Variants in DENND1A observed in about 807,000 individuals in gnomAD.
The protein encoded by DENND1A is DENN domain containing 1A, also known as DENN domain-containing protein 1A.
Under a neutral mutation model 113.7 loss-of-function variants are expected in DENND1A, and 51 were observed. The ratio of observed to expected loss-of-function variants is 0.45; its 90% CI spans 0.36 to 0.57. DENND1A has a LOEUF of 0.57. DENND1A is among the 20% of genes least tolerant of loss of function. The pLI is 0.00. For synonymous variants in DENND1A, 565 were observed against 570.8 expected (o/e 0.99, Z 0.14); for missense variants, 1,258 against 1,395.9 (o/e 0.90, Z 1.57).
chr9:123,573,098 G>T (rs943756360), intron 12 of DENND1A, among the ~76,000 whole-genome samples: 1 of 152,022 alleles, frequency 6.6e-6, no homozygotes, highest in Non-Finnish European at 1.5e-5. Flanking sequence ...AAAATCAATT[G>T]ACCACTTATG....
intron 3 of DENND1A, among the ~76,000 whole-genome samples, chr9:123,783,267 C>G (rs965858737): frequency 6.6e-6 from 1 of 152,166 alleles, no homozygotes; most frequent in Non-Finnish European, 1.5e-5. Context: ...CTGATTATGT[C>G]TCTTCATCCT....
At chr9:123,782,866 C>T (rs754243718) in intron 3 of DENND1A, among the ~76,000 whole-genome samples, 2 of 150,330 alleles carry the variant, frequency 1.3e-5, no homozygotes, top group Non-Finnish European at 2.9e-5. Flanking sequence ...CAACCCCCAG[C>T]TCCCCCCGCT....
At chr9:123,925,926 T>A (rs768589760) in intron 1 of DENND1A, among the ~76,000 whole-genome samples, 2 of 152,204 alleles carry the variant, frequency 1.3e-5, no homozygotes, top group Non-Finnish European at 2.9e-5. Flanking sequence ...CTTCCTTCGA[T>A]TACTTACAGC....
intron 1 of DENND1A, among the ~76,000 whole-genome samples, chr9:123,895,278 GT>G (rs947216225): frequency 2.0e-5 from 3 of 151,930 alleles, no homozygotes; most frequent in Non-Finnish European, 4.4e-5. Context: ...ATAAATAATG[GT>G]TTTTTTCCAT....
At chr9:123,840,841 C>T (rs1367569126) in intron 2 of DENND1A, among the ~76,000 whole-genome samples, 1 of 152,162 alleles carries the variant, frequency 6.6e-6, no homozygotes, top group Non-Finnish European at 1.5e-5. Flanking sequence ...GACATTTTAT[C>T]ATGTGAAGTG....
Position 123,415,967 on chromosome 9 carries a change from G to A in DENND1A, c.1489-4138C>T, listed in dbSNP as rs545695622. 2.0e-4 allele frequency among the ~76,000 whole-genome samples: 31 copies of A among 152,278 alleles called. 1 individual carries two copies. The South Asian group carries it at 6.4e-3, about 32-fold the overall frequency. ...TAGGAGGTGAGTAGTAGTGATTTGG[G>A]TGGGAAGAGGGGGTAAGGGGATGAG... On this transcript the variant is annotated intron_variant, in intron 19 of 23. Coordinates refer to ENST00000394215, the MANE Select transcript of DENND1A (RefSeq NM_001352964.2).
chr9:123,817,819 G>A (rs1241374867), intron 2 of DENND1A, among the ~76,000 whole-genome samples: 2 of 152,092 alleles, frequency 1.3e-5, no homozygotes, highest in African/African-American at 4.8e-5. Context: ...CTGAGGTCAG[G>A]AATTCGAGAC....
At chr9:123,567,229 C>T (rs561730007) in intron 12 of DENND1A, among the ~76,000 whole-genome samples, 46 of 152,252 alleles carry the variant, frequency 3.0e-4, no homozygotes, top group African/African-American at 1.1e-3. Flanking sequence ...TGCAGTGCCG[C>T]GTAATGAAAT....
chr9:123,842,972 T>C (rs955940161), intron 2 of DENND1A: 3 of 377,404 alleles, frequency 7.9e-6, no homozygotes, highest in Non-Finnish European at 1.5e-5. Context: ...CACATGATAG[T>C]AGGATGCAGT....
chr9:123,725,506 T>C (rs546251340), intron 5 of DENND1A, among the ~76,000 whole-genome samples: 51 of 152,312 alleles, frequency 3.3e-4, no homozygotes, highest in African/African-American at 9.9e-4. Context: ...GTTGGCCAGA[T>C]GGAAAATATT....
chr9:123,637,227 G>C (rs1050172617), intron 9 of DENND1A, among the ~76,000 whole-genome samples: 4 of 152,184 alleles, frequency 2.6e-5, no homozygotes, highest in Admixed American at 6.5e-5. Context: ...TGAATAAAAT[G>C]ATAAATACAG....
At chr9:123,708,868 C>T (rs1157121917) in intron 5 of DENND1A, among the ~76,000 whole-genome samples, 1 of 152,152 alleles carries the variant, frequency 6.6e-6, no homozygotes, top group Non-Finnish European at 1.5e-5. Context: ...AAGAAAACAC[C>T]ACTTGATTTC....
chr9:123,383,627 C>A (rs778633046), intron 23 of DENND1A, 28 bp downstream of exon 23: 1 of 1,600,776 alleles, frequency 6.2e-7, no homozygotes, highest in Non-Finnish European at 8.5e-7. Flanking sequence ...CGGCCCCCGG[C>A]CGATACCCTC....
intron 9 of DENND1A, among the ~76,000 whole-genome samples, chr9:123,651,412 G>GCA (rs767620221): frequency 3.3e-5 from 5 of 152,166 alleles, no homozygotes; most frequent in Non-Finnish European, 5.9e-5. Context: ...GCACATGCGC[G>GCA]CACACACACA....
chr9:123,675,358 G>A (rs1050434451), intron 6 of DENND1A, among the ~76,000 whole-genome samples: 2 of 152,128 alleles, frequency 1.3e-5, no homozygotes, highest in Non-Finnish European at 2.9e-5. Flanking sequence ...AAGCACAGGC[G>A]ACCCAGGTTT....
At chr9:123,535,497 A>G (rs555557193) in intron 13 of DENND1A, among the ~76,000 whole-genome samples, 2 of 152,278 alleles carry the variant, frequency 1.3e-5, no homozygotes, top group South Asian at 4.2e-4. Flanking sequence ...AAGACCCTTC[A>G]CAATCTGGCC....
rs146252964 is a variant in DENND1A at position 123,776,183 on chromosome 9, T to C, written c.133-6620A>G. Among the ~76,000 whole-genome samples the C allele has an allele frequency of 3.0e-4, 45 of 152,298 alleles. No homozygotes were observed. In the East Asian group the frequency reaches 7.9e-3, roughly 27 times the overall value. On this transcript the variant is annotated intron_variant, in intron 3 of 23. Transcript: ENST00000394215. ...CTGGGCGCTGTGTATGTGTGTCCTA[T>C]AATTAAGCCCTAACACATACTTCAT...
intron 12 of DENND1A, among the ~76,000 whole-genome samples, chr9:123,580,407 A>G (rs575032412): frequency 6.6e-5 from 10 of 152,236 alleles, no homozygotes; most frequent in African/African-American, 2.4e-4. Context: ...TGTAATAGAT[A>G]TGTAATTGAC....
chr9:123,588,299 AAAAAAAT>A (rs2059283872), intron 11 of DENND1A, among the ~76,000 whole-genome samples: 1 of 147,010 alleles, frequency 6.8e-6, no homozygotes, highest in Non-Finnish European at 1.5e-5. Flanking sequence ...AAAAAAAAAA[AAAAAAAT>A]TATAGATGCC....
Sources: gnomAD v4.1 joint callset for allele counts (sites outside exome capture counted in the v4.1 genomes callset) on GRCh38, gnomAD v4.1.1 for gene constraint, MANE v1.5 for transcripts, NCBI Gene and HGNC (gene_info 2026-07-23, HGNC 2026-07-21) for gene names.